GRM7: variants seen among roughly 807,000 people sequenced by gnomAD.
GRM7 encodes metabotropic glutamate receptor 7.
Under a neutral mutation model 84.5 loss-of-function variants are expected in GRM7, and 35 were observed. The ratio of observed to expected loss-of-function variants is 0.41; its 90% CI spans 0.32 to 0.55. The LOEUF is 0.55. GRM7 is among the 20% of genes least tolerant of loss of function. GRM7 has a pLI of 0.19. For missense variants in GRM7, 1,003 were observed against 1,194.6 expected, an observed-to-expected ratio of 0.84 and a Z score of 2.36; for synonymous variants, 487 against 455.1, an observed-to-expected ratio of 1.07 and a Z score of -0.89.
At chr3:7,067,766 T>A (rs1313571235) in intron 1 of GRM7, among the ~76,000 whole-genome samples, 1 of 151,956 alleles carries the variant, frequency 6.6e-6, no homozygotes, top group East Asian at 1.9e-4. Context: ...CTGGGGAATA[T>A]AGTCTAGCTA....
chr3:7,433,940 A>G (rs532012758), intron 5 of GRM7, among the ~76,000 whole-genome samples: 2 of 152,284 alleles, frequency 1.3e-5, no homozygotes, highest in South Asian at 2.1e-4. Flanking sequence ...TGGACATCTT[A>G]ATATTGGAGA....
chr3:7,337,854 T>C (rs913058317), intron 4 of GRM7, among the ~76,000 whole-genome samples: 2 of 152,168 alleles, frequency 1.3e-5, no homozygotes, highest in Non-Finnish European at 2.9e-5. Flanking sequence ...TGGAGATTTC[T>C]TAAAGAACTA....
At chr3:7,554,552 G>A (rs1693667726) in intron 7 of GRM7, among the ~76,000 whole-genome samples, 1 of 152,130 alleles carries the variant, frequency 6.6e-6, no homozygotes, top group African/African-American at 2.4e-5. Flanking sequence ...AATTAGCTAG[G>A]GTAAGTAATC....
chr3:7,271,632 C>G (rs1264191911), intron 2 of GRM7, among the ~76,000 whole-genome samples: 1 of 151,190 alleles, frequency 6.6e-6, no homozygotes, highest in Non-Finnish European at 1.5e-5. Context: ...GGATCAGAAC[C>G]TGGATTTTAA....
At chr3:7,379,497 G>T (rs1694499330) in intron 4 of GRM7, among the ~76,000 whole-genome samples, 1 of 152,114 alleles carries the variant, frequency 6.6e-6, no homozygotes, top group Non-Finnish European at 1.5e-5. Context: ...GCCTTAGTAT[G>T]CTAACAATAA....
chr3:7,488,000 A>G (rs548472133), intron 7 of GRM7, among the ~76,000 whole-genome samples: 3 of 152,298 alleles, frequency 2.0e-5, no homozygotes, highest in Admixed American at 6.5e-5. Context: ...ACTTGTAGCA[A>G]TGTGTCCAGA....
chr3:7,545,593 T>A (rs552137982), intron 7 of GRM7, among the ~76,000 whole-genome samples: 17 of 152,118 alleles, frequency 1.1e-4, no homozygotes, highest in Non-Finnish European at 2.1e-4. Context: ...TCCTATTACT[T>A]TGCAAAAAGA....
chr3:7,038,475 A>G (rs1696465987), intron 1 of GRM7, among the ~76,000 whole-genome samples: 1 of 152,180 alleles, frequency 6.6e-6, no homozygotes, highest in Admixed American at 6.5e-5. Context: ...GAGTTCATTG[A>G]CTTAGCGGCT....
chr3:7,232,705 T>C (rs1018470747), intron 2 of GRM7, among the ~76,000 whole-genome samples: 2 of 152,220 alleles, frequency 1.3e-5, no homozygotes, highest in Non-Finnish European at 2.9e-5. Flanking sequence ...TTGATTTAAC[T>C]TATTGATTCA....
intron 9 of GRM7, among the ~76,000 whole-genome samples, chr3:7,720,631 T>C (rs1701914202): frequency 6.6e-6 from 1 of 152,198 alleles, no homozygotes; most frequent in African/African-American, 2.4e-5. Flanking sequence ...TGCAGCTTCC[T>C]GCAACAACTT....
At chr3:6,874,995 A>C (rs765624273) in intron 1 of GRM7, among the ~76,000 whole-genome samples, 3 of 152,188 alleles carry the variant, frequency 2.0e-5, no homozygotes, top group Non-Finnish European at 2.9e-5. Context: ...TTTGAGGTCA[A>C]GTGTGGGGTC....
chr3:7,222,954 T>G (rs1179155763), intron 2 of GRM7, among the ~76,000 whole-genome samples: 1 of 152,208 alleles, frequency 6.6e-6, no homozygotes, highest in Non-Finnish European at 1.5e-5. Flanking sequence ...CATATCTGGA[T>G]AGTGAGTTTT....
At chr3:6,936,509 A>AT (rs1478371758) in intron 1 of GRM7, among the ~76,000 whole-genome samples, 1 of 151,996 alleles carries the variant, frequency 6.6e-6, no homozygotes, top group African/African-American at 2.4e-5. Flanking sequence ...CTACTCTTCT[A>AT]TTTTTTTGAG....
At chr3:7,613,259 A>G (rs931979852) in intron 8 of GRM7, among the ~76,000 whole-genome samples, 5 of 152,198 alleles carry the variant, frequency 3.3e-5, no homozygotes, top group African/African-American at 9.6e-5. Context: ...GGTTTATTTT[A>G]TCAATAAGAG....
intron 1 of GRM7, among the ~76,000 whole-genome samples, chr3:7,117,822 T>C (rs1327810640): frequency 6.6e-6 from 1 of 152,196 alleles, no homozygotes; most frequent in Non-Finnish European, 1.5e-5. Context: ...GATTAAATGA[T>C]GTTTCTCAAA....
intron 1 of GRM7, among the ~76,000 whole-genome samples, chr3:7,036,907 A>G (rs555089182): frequency 6.6e-6 from 1 of 152,158 alleles, no homozygotes; most frequent in Admixed American, 6.5e-5. Context: ...TCCATCTACA[A>G]AATGAGTCTG....
intron 7 of GRM7, among the ~76,000 whole-genome samples, chr3:7,467,982 G>C (rs553194402): frequency 2.6e-5 from 4 of 152,244 alleles, no homozygotes; most frequent in Admixed American, 2.0e-4. Context: ...ACACTTATTA[G>C]AATTTTGGCT....
At chr3:7,180,731 C>G (rs936557672) in intron 2 of GRM7, among the ~76,000 whole-genome samples, 1 of 152,144 alleles carries the variant, frequency 6.6e-6, no homozygotes, top group Admixed American at 6.6e-5. Context: ...AATCTTGTCT[C>G]TATGCCGATT....
chr3:7,000,322 C>A (rs995545658), intron 1 of GRM7, among the ~76,000 whole-genome samples: 2 of 151,962 alleles, frequency 1.3e-5, no homozygotes, highest in East Asian at 3.9e-4. Context: ...CAGGTGCCTG[C>A]AATTGCACCT....
Sources: gnomAD v4.1 joint callset for allele counts (sites outside exome capture counted in the v4.1 genomes callset) on GRCh38, gnomAD v4.1.1 for gene constraint, MANE v1.5 for transcripts, NCBI Gene and HGNC (gene_info 2026-07-23, HGNC 2026-07-21) for gene names.